The following IGSF23 variants were observed in gnomAD, a reference collection of about 807,000 sequenced individuals.
The protein encoded by IGSF23 is immunoglobulin superfamily, member 23.
Under a neutral mutation model 17.8 loss-of-function variants are expected in IGSF23, and 14 were observed. That is an observed-to-expected ratio of 0.79 (90% CI 0.52 to 1.23). IGSF23 has a LOEUF of 1.23. Among genes scored for constraint, IGSF23 ranks in the 50% most tolerant of loss-of-function variants. The probability of loss-of-function intolerance (pLI) is 0.00; values close to 1 mark genes in which losing one functional copy is unlikely to be tolerated. For missense variants in IGSF23, 214 were observed against 241.7 expected, an observed-to-expected ratio of 0.89 and a Z score of 0.76; for synonymous variants, 85 against 92.5, an observed-to-expected ratio of 0.92 and a Z score of 0.46.
chr19:44,635,308 T>C (rs759392642), intron 3 of IGSF23, 93 bp from the exon 4 acceptor site: 2 of 997,344 alleles, frequency 2.0e-6, no homozygotes, highest in Non-Finnish European at 3.0e-6. Flanking sequence ...GACTACATAT[T>C]AATTTGGGGA....
chr19:44,623,111 G>A (rs769458419), intron 1 of IGSF23, among the ~76,000 whole-genome samples: 18 of 152,148 alleles, frequency 1.2e-4, no homozygotes, highest in Non-Finnish European at 2.6e-4. Context: ...CTGAGCCCCC[G>A]AGTCCTAGAG....
At chr19:44,634,599 T>C (rs777239978) in intron 3 of IGSF23, among the ~76,000 whole-genome samples, 3 of 152,142 alleles carry the variant, frequency 2.0e-5, no homozygotes, top group Non-Finnish European at 4.4e-5. Flanking sequence ...CTGGGGCAAC[T>C]ACTTTTCGCC....
intron 3 of IGSF23, among the ~76,000 whole-genome samples, chr19:44,631,448 C>T (rs952204832): frequency 9.9e-5 from 15 of 151,782 alleles, no homozygotes; most frequent in East Asian, 5.8e-4. Context: ...ATTAACAAGG[C>T]ATGGTGGTGC....
rs568756159 is a variant in IGSF23, at chr19:44,623,995, C to T, written c.391+23C>T. 8 of 1,528,932 alleles carry T rather than the reference C, an allele frequency of 5.2e-6. No homozygotes were observed. The East Asian group carries it at 1.7e-4, about 33-fold the overall frequency. The allele number at this position is 1,528,932 out of a possible 1,614,324, so 94.7% of individuals were successfully genotyped here. On this transcript the variant is annotated intron_variant, in intron 2 of 4. Coordinates refer to ENST00000402988, the MANE Select transcript of IGSF23 (RefSeq NM_001205280.2). ...CAAGTGAGTCCCCCATTCCACCCCA[C>T]CCCACCCCACCCAAGAGCCCTGCAC...
At chr19:44,625,786 G>A (rs1338064925) in intron 2 of IGSF23, among the ~76,000 whole-genome samples, 1 of 152,156 alleles carries the variant, frequency 6.6e-6, no homozygotes, top group Non-Finnish European at 1.5e-5. Context: ...TGTCATGAGA[G>A]GGACCCGGTA....
At chr19:44,633,886 G>C (rs565810849) in intron 3 of IGSF23, among the ~76,000 whole-genome samples, 1 of 152,140 alleles carries the variant, frequency 6.6e-6, no homozygotes, top group South Asian at 2.1e-4. Flanking sequence ...TGTGCTGTGC[G>C]CTCTCCTGGC....
chr19:44,615,928 T>C (rs1341991839), intron 1 of IGSF23, among the ~76,000 whole-genome samples: 1 of 151,998 alleles, frequency 6.6e-6, no homozygotes, highest in Non-Finnish European at 1.5e-5. Context: ...GTGGGGTACT[T>C]TGGAAATTGG....
rs145714480 is a variant in IGSF23 at position 44,635,236 on chromosome 19, C to A, written c.546-165C>A. Among the ~76,000 whole-genome samples the A allele has an allele frequency of 2.9e-3, 447 of 152,318 alleles. 4 individuals are homozygous for A. The highest frequency in any genetic ancestry group is 9.8e-3 in the African/African-American group (409 of 41,564). On this transcript the variant is annotated intron_variant, in intron 3 of 4. Coordinates refer to ENST00000402988, the MANE Select transcript of IGSF23 (RefSeq NM_001205280.2). Reference sequence around the variant, plus strand: ...TGGATCAGGACCCCACTCTTATGATCTCATTTAACCTTACTGTGTCTGAAG... The same window carrying A: ...TGGATCAGGACCCCACTCTTATGATATCATTTAACCTTACTGTGTCTGAAG...
In IGSF23 at chr19:44,623,728, G is replaced by A; in HGVS notation, c.147G>A (p.Lys49=). 2 of 1,551,160 alleles carry A rather than the reference G, an allele frequency of 1.3e-6. No individual in the cohort carries two copies. The highest frequency in any genetic ancestry group is 1.7e-6 in the Non-Finnish European group (2 of 1,147,108). The change falls in exon 2 of 5, where the codon AAG becomes AAA. Residue 49 remains lysine, a synonymous_variant. Coordinates refer to ENST00000402988, the MANE Select transcript of IGSF23 (RefSeq NM_001205280.2). ...ACAGCCTCCAACTAATGCCACTGAA[G>A]ACATTCCCAGCTGCTATCCGGGGAG... The part of the protein sequence containing the change: ...ANLVLQLMPL[K]TFPAAIRGVI...
intron 1 of IGSF23, chr19:44,618,049 T>C (rs1568484445): frequency 2.1e-6 from 1 of 470,202 alleles, no homozygotes; most frequent in Admixed American, 2.4e-5. Flanking sequence ...GAATCAATGA[T>C]TCCTCCTCCT....
chr19:44,635,360 C>G, intron 3 of IGSF23, 41 bp from the exon 4 acceptor site: 3 of 1,425,562 alleles, frequency 2.1e-6, no homozygotes, highest in Non-Finnish European at 2.9e-6. Flanking sequence ...CTCTCTCTCT[C>G]TCTCTCTCTC....
chr19:44,623,699 A>G lies in IGSF23; in HGVS notation c.126-8A>G. The G allele has an allele frequency of 6.5e-7, 1 of 1,543,008 alleles. No individual in the cohort carries two copies. ...TCTTGTGGCCTTGTTCCCTGTTTGC[A>G]CAGACAGCCTCCAACTAATGCCACT... On this transcript the variant is annotated splice_region_variant and splice_polypyrimidine_tract_variant and intron_variant, in intron 1 of 4. Transcript: ENST00000402988.
chr19:44,626,113 GGA>G (rs1276687105), intron 2 of IGSF23, among the ~76,000 whole-genome samples: 2 of 152,142 alleles, frequency 1.3e-5, no homozygotes, highest in Admixed American at 1.3e-4. Context: ...GAACTGGCCA[GGA>G]GAGAAGAGAG....
At chr19:44,631,597 G>T (rs1334934142) in intron 3 of IGSF23, among the ~76,000 whole-genome samples, 2 of 151,970 alleles carry the variant, frequency 1.3e-5, no homozygotes, top group African/African-American at 4.8e-5. Context: ...GGAAATCAGG[G>T]GTCTCACAGC....
At chr19:44,622,698 C>T (rs1229683260) in intron 1 of IGSF23, among the ~76,000 whole-genome samples, 1 of 152,278 alleles carries the variant, frequency 6.6e-6, no homozygotes, top group East Asian at 1.9e-4. Context: ...GAGTCCTCAC[C>T]CTGGCCCAGG....
intron 3 of IGSF23, among the ~76,000 whole-genome samples, chr19:44,631,658 T>C (rs1018837956): frequency 6.6e-5 from 10 of 152,216 alleles, no homozygotes; most frequent in African/African-American, 2.4e-4. Flanking sequence ...TTTATTAACA[T>C]TAGCATTGTT....
intron 1 of IGSF23, among the ~76,000 whole-genome samples, chr19:44,622,474 T>G (rs1972544109): frequency 6.6e-6 from 1 of 152,174 alleles, no homozygotes; most frequent in Non-Finnish European, 1.5e-5. Context: ...CTGGCCCTAA[T>G]GAGCCCCAAA....
chr19:44,615,391 A>T lies in IGSF23; in HGVS notation c.125+1621A>T, dbSNP rs112094197. Reference sequence around the variant, plus strand: ...GTAATCCCAGCACTTTGGGAGGCCAAGGCGGGCGGATCATCTGAGGTCAGG... The same window carrying T: ...GTAATCCCAGCACTTTGGGAGGCCATGGCGGGCGGATCATCTGAGGTCAGG... On this transcript the variant is annotated intron_variant, in intron 1 of 4. Transcript: ENST00000402988. Among the ~76,000 whole-genome samples, 453 of 152,156 alleles carry T rather than the reference A, an allele frequency of 3.0e-3. 3 individuals are homozygous for T. The highest frequency in any genetic ancestry group is 5.7e-3 in the Non-Finnish European group (386 of 67,990).
intron 3 of IGSF23, 23 bp from the exon 4 acceptor site, chr19:44,635,378 C>T (rs769616150): frequency 1.4e-6 from 1 of 705,528 alleles, no homozygotes; most frequent in Non-Finnish European, 1.9e-6. Flanking sequence ...CTCTCTCTGT[C>T]TCTCTCTCTC....
Sources: allele counts gnomAD v4.1 joint callset (sites outside exome capture counted in the v4.1 genomes callset), GRCh38; gene constraint gnomAD v4.1.1; transcripts MANE v1.5; gene names NCBI Gene and HGNC (gene_info 2026-07-23, HGNC 2026-07-21).